Variants in LRP1B observed in about 807,000 individuals in gnomAD.
LRP1B encodes the protein LDL receptor related protein 1B.
In LRP1B, 217 loss-of-function variants were observed where a neutral mutation model predicts 556.6. The ratio of observed to expected loss-of-function variants is 0.39; its 90% confidence interval spans 0.35 to 0.44. The LOEUF is 0.44. Among genes scored for constraint, LRP1B ranks in the 20% least tolerant of loss-of-function variants. The pLI is 1.00. For synonymous variants in LRP1B, 2,047 were observed against 1,865.8 expected, an observed-to-expected ratio of 1.10 and a Z score of -2.50; for missense variants, 5,053 against 5,620.8, an observed-to-expected ratio of 0.90 and a Z score of 3.23.
intron 2 of LRP1B, among the ~76,000 whole-genome samples, chr2:141,552,175 T>C (rs1685778679): frequency 6.6e-6 from 1 of 152,104 alleles, no homozygotes; most frequent in South Asian, 2.1e-4. Flanking sequence ...ATCATTGGTA[T>C]CAAGGAAACT....
chr2:141,841,243 A>G (rs1697462582), intron 1 of LRP1B, among the ~76,000 whole-genome samples: 1 of 152,196 alleles, frequency 6.6e-6, no homozygotes, highest in African/African-American at 2.4e-5. Flanking sequence ...GCATATGTAA[A>G]TTATCATAAT....
intron 2 of LRP1B, among the ~76,000 whole-genome samples, chr2:141,535,148 C>T (rs1007294871): frequency 1.3e-5 from 2 of 152,130 alleles, no homozygotes; most frequent in East Asian, 3.9e-4. Flanking sequence ...GCATCACTCT[C>T]CTTAGCGTCT....
intron 6 of LRP1B, among the ~76,000 whole-genome samples, chr2:141,202,648 T>C (rs1030252377): frequency 2.6e-5 from 4 of 152,204 alleles, no homozygotes; most frequent in Non-Finnish European, 4.4e-5. Flanking sequence ...GGGGTTTTGA[T>C]TTGCATTTCT....
intron 1 of LRP1B, among the ~76,000 whole-genome samples, chr2:141,972,937 A>G (rs1438761550): frequency 6.6e-6 from 1 of 151,654 alleles, no homozygotes; most frequent in East Asian, 1.9e-4. Context: ...ATAGACAATA[A>G]CTTAATGAAT....
chr2:140,546,044 A>G (rs1259893238), intron 43 of LRP1B, among the ~76,000 whole-genome samples: 3 of 123,618 alleles, frequency 2.4e-5, no homozygotes, highest in Admixed American at 7.6e-5. Context: ...GTCTGTTGCA[A>G]TTGTGAATGG....
chr2:141,177,710 C>T (rs553064103), intron 7 of LRP1B, among the ~76,000 whole-genome samples: 1 of 152,114 alleles, frequency 6.6e-6, no homozygotes, highest in African/African-American at 2.4e-5. Flanking sequence ...CTGGGGACTC[C>T]CAGGTTCAGA....
intron 1 of LRP1B, among the ~76,000 whole-genome samples, chr2:141,812,629 A>G (rs533015990): frequency 1.3e-5 from 2 of 152,290 alleles, no homozygotes; most frequent in East Asian, 1.9e-4. Flanking sequence ...AGGATCAGTT[A>G]TGAAGGAACT....
chr2:141,473,960 G>A (rs1399493867), intron 3 of LRP1B, among the ~76,000 whole-genome samples: 1 of 151,586 alleles, frequency 6.6e-6, no homozygotes, highest in Admixed American at 6.6e-5. Flanking sequence ...CAACAATAAA[G>A]AGCTGCAAAT....
intron 3 of LRP1B, among the ~76,000 whole-genome samples, chr2:141,325,681 C>G (rs111902996): frequency 6.6e-6 from 1 of 151,746 alleles, no homozygotes; most frequent in Non-Finnish European, 1.5e-5. Context: ...AGTTTTCTTA[C>G]GATGGAAAAA....
intron 41 of LRP1B, among the ~76,000 whole-genome samples, chr2:140,695,748 G>T (rs1157797101): frequency 1.3e-5 from 2 of 152,134 alleles, no homozygotes; most frequent in African/African-American, 4.8e-5. Flanking sequence ...GTGAACTACT[G>T]CATTTTCCTC....
intron 3 of LRP1B, among the ~76,000 whole-genome samples, chr2:141,467,150 A>C (rs914499003): frequency 4.9e-5 from 7 of 143,466 alleles, no homozygotes; most frequent in African/African-American, 1.4e-4. Flanking sequence ...ATATATATAT[A>C]TCCTCTCAGG....
chr2:141,534,924 T>C (rs1459395372), intron 2 of LRP1B, among the ~76,000 whole-genome samples: 1 of 152,170 alleles, frequency 6.6e-6, no homozygotes. Context: ...TTTTGTCTCC[T>C]GGTGGTTTGG....
intron 2 of LRP1B, among the ~76,000 whole-genome samples, chr2:141,737,226 C>T (rs760924673): frequency 3.9e-5 from 6 of 152,142 alleles, no homozygotes; most frequent in Non-Finnish European, 5.9e-5. Flanking sequence ...GTGGCACATG[C>T]CTGTAATCCC....
intron 1 of LRP1B, among the ~76,000 whole-genome samples, chr2:142,057,499 G>A (rs1000186938): frequency 1.3e-5 from 2 of 152,054 alleles, no homozygotes; most frequent in African/African-American, 4.8e-5. Context: ...AATGCCGCTG[G>A]GGAAAAAATA....
At chr2:141,792,533 G>A (rs1016202865) in intron 2 of LRP1B, among the ~76,000 whole-genome samples, 2 of 152,006 alleles carry the variant, frequency 1.3e-5, no homozygotes, top group Non-Finnish European at 2.9e-5. Flanking sequence ...TAGTTTGACT[G>A]CAGACATACA....
rs200121342 is a variant in LRP1B, at chr2:140,303,058, TAC to T, written c.12806-5091_12806-5090del. On this transcript the variant is annotated intron_variant, in intron 83 of 90. Transcript: ENST00000389484. Reference sequence around the variant, plus strand: ...ATATATATATATATATATATGGACATACACACACACATATATATCGGTTCTTT... The same window carrying T: ...ATATATATATATATATATATGGACATACACACACATATATATCGGTTCTTT... 6.3e-3 allele frequency among the ~76,000 whole-genome samples: 846 copies of T among 135,214 alleles called. 12 individuals carry two copies. The highest frequency in any genetic ancestry group is 0.016 in the South Asian group (66 of 4,082). 88.7% of individuals were successfully genotyped at this position (135,214 alleles called of 152,430 possible).
At chr2:141,563,596 T>C (rs1686235891) in intron 2 of LRP1B, among the ~76,000 whole-genome samples, 1 of 152,060 alleles carries the variant, frequency 6.6e-6, no homozygotes, top group African/African-American at 2.4e-5. Flanking sequence ...AGAGAAGTTG[T>C]AAAACTATGT....
At chr2:142,126,579 G>A (rs1349224) in intron 1 of LRP1B, among the ~76,000 whole-genome samples, 24,240 of 151,782 alleles carry the variant, frequency 0.16, 2,220 homozygotes, top group African/African-American at 0.25. Context: ...CATCTATCTA[G>A]AATGAAGACA....
chr2:140,877,102 C>G (rs1693332810), intron 25 of LRP1B, among the ~76,000 whole-genome samples: 1 of 151,766 alleles, frequency 6.6e-6, no homozygotes, highest in Admixed American at 6.6e-5. Flanking sequence ...TTGGAGTCAT[C>G]AAAAACTAAG....
Sources: gnomAD v4.1 joint callset for allele counts (sites outside exome capture counted in the v4.1 genomes callset) on GRCh38, gnomAD v4.1.1 for gene constraint, MANE v1.5 for transcripts, NCBI Gene and HGNC (gene_info 2026-07-23, HGNC 2026-07-21) for gene names.